The following DCUN1D5 variants were observed in gnomAD, a reference collection of about 807,000 sequenced individuals.
DCUN1D5 encodes the protein defective in cullin neddylation 1 domain containing 5.
Under a neutral mutation model 38.3 loss-of-function variants are expected in DCUN1D5, and 10 were observed. The observed-to-expected ratio is 0.26, with a 90% CI of 0.16 to 0.44. The LOEUF is 0.44. DCUN1D5 is among the 20% of genes least tolerant of loss of function. DCUN1D5 has a pLI of 1.00. For synonymous variants in DCUN1D5, 93 were observed against 90.9 expected, an observed-to-expected ratio of 1.02 and a Z score of -0.13; for missense variants, 148 against 275.3, an observed-to-expected ratio of 0.54 and a Z score of 3.27.
rs141927857 is a variant in DCUN1D5, at chr11:103,081,868, C to G, written c.341+880G>C. Among the ~76,000 whole-genome samples the G allele has an allele frequency of 1.4e-3, 211 of 152,042 alleles. 2 individuals are homozygous for G. Among genetic ancestry groups the G allele is most frequent in the African/African-American group, 5.0e-3 (206 of 41,508 alleles). ...TTCAAATTTAAAAATTTTAGTGCCT[C>G]ATAAACAAATACTTTAAAAAAAAAT... is the stretch of plus-strand genomic sequence containing the variant. On this transcript the variant is annotated intron_variant, in intron 4 of 7. Coordinates refer to ENST00000260247, the MANE Select transcript of DCUN1D5 (RefSeq NM_032299.4).
At position 103,073,383 on chromosome 11, in the gene DCUN1D5, T is replaced by C. The variant is rs2134616866; in HGVS notation, c.342-6816A>G. Among the ~76,000 whole-genome samples the C allele has an allele frequency of 6.6e-6, 1 of 152,320 alleles. No individual in the cohort carries two copies. The highest frequency in any genetic ancestry group is 2.4e-5 in the African/African-American group (1 of 41,574). On this transcript the variant is annotated intron_variant, in intron 4 of 7. Transcript: ENST00000260247. The surrounding 1 kb of genome is among the most constrained non-coding windows in gnomAD (Gnocchi z 4.2). ...AAAATGTCAATTCTCCCCAAATTTA[T>C]ATGCTATTTAACCAAAATCTCAGCA... is the stretch of plus-strand genomic sequence containing the variant.
chr11:103,070,900 A>T lies in DCUN1D5; in HGVS notation c.342-4333T>A, dbSNP rs924132068. 2.0e-4 allele frequency among the ~76,000 whole-genome samples: 31 copies of T among 152,196 alleles called. 1 individual carries two copies. Among genetic ancestry groups the T allele is most frequent in the Non-Finnish European group, 7.4e-5 (5 of 68,006 alleles). ...TGACAACAATGGAATCAAACTAGAAATCAATAACAGAAAGTTAATGGCAAA... is the reference window on the plus strand; with the variant it reads ...TGACAACAATGGAATCAAACTAGAATTCAATAACAGAAAGTTAATGGCAAA... On this transcript the variant is annotated intron_variant, in intron 4 of 7. Coordinates refer to ENST00000260247, the MANE Select transcript of DCUN1D5 (RefSeq NM_032299.4).
intron 2 of DCUN1D5, among the ~76,000 whole-genome samples, chr11:103,088,748 G>C (rs1862777162): frequency 6.6e-6 from 1 of 152,162 alleles, no homozygotes; most frequent in African/African-American, 2.4e-5. Flanking sequence ...TTGTTAAAAA[G>C]TAAATGTGTT....
chr11:103,085,866 G>A (rs1041530440), intron 2 of DCUN1D5, among the ~76,000 whole-genome samples: 1 of 152,104 alleles, frequency 6.6e-6, no homozygotes, highest in East Asian at 1.9e-4. Context: ...TACTATATTA[G>A]GACTATGCAA....
At chr11:103,090,259 GAATA>G (rs1402107372) in intron 1 of DCUN1D5, among the ~76,000 whole-genome samples, 1 of 152,104 alleles carries the variant, frequency 6.6e-6, no homozygotes, top group African/African-American at 2.4e-5. Flanking sequence ...GTACAAAAAT[GAATA>G]ATAATTTGCC....
Position 103,057,392 on chromosome 11 carries a change from T to C in DCUN1D5, c.*4967A>G, listed in dbSNP as rs1033507723. On this transcript the variant is annotated 3_prime_UTR_variant, in exon 8 of 8. Transcript: ENST00000260247. The surrounding 1 kb of genome is among the most constrained non-coding windows in gnomAD (Gnocchi z 4.8). ...ATATGTGAGGAGCTTTTATCTGTGATCTATTTTCTATGTGAAAAAGTTAAT... is the reference window on the plus strand; with the variant it reads ...ATATGTGAGGAGCTTTTATCTGTGACCTATTTTCTATGTGAAAAAGTTAAT... 2.0e-5 allele frequency among the ~76,000 whole-genome samples: 3 copies of C among 152,104 alleles called. No individual in the cohort carries two copies. The highest frequency in any genetic ancestry group is 4.8e-5 in the African/African-American group (2 of 41,436).
chr11:103,065,702 A>G lies in DCUN1D5; in HGVS notation c.555+567T>C, dbSNP rs1862118458. Among the ~76,000 whole-genome samples the G allele has an allele frequency of 6.6e-6, 1 of 152,110 alleles. No homozygotes were observed. The highest frequency in any genetic ancestry group is 2.4e-5 in the African/African-American group (1 of 41,442). On this transcript the variant is annotated intron_variant, in intron 6 of 7. Transcript: ENST00000260247. The surrounding 1 kb of genome is among the most constrained non-coding windows in gnomAD (Gnocchi z 4.6). The stretch of plus-strand genomic sequence containing the variant: ...ATCACTGCCTATAGTAGTTGCTATG[A>G]TAAACCTTCTAAAAGAACACGTCAT...
rs1413137840 is a variant in DCUN1D5 at position 103,056,932 on chromosome 11, T to C, written c.*5427A>G. Among the ~76,000 whole-genome samples the C allele has an allele frequency of 6.6e-6, 1 of 152,178 alleles. No individual in the cohort carries two copies. Among genetic ancestry groups the C allele is most frequent in the African/African-American group, 2.4e-5 (1 of 41,462 alleles). ...GCCTATTTGAACTTCGTAACAATAC[T>C]GGTAGGTATCATTATCGCCATTTTA... On this transcript the variant is annotated 3_prime_UTR_variant, in exon 8 of 8. Coordinates refer to ENST00000260247, the MANE Select transcript of DCUN1D5 (RefSeq NM_032299.4). This position sits in a 1 kb window ranked among gnomAD's most constrained non-coding sequence, Gnocchi z 4.9.
rs1861721258 is a variant in DCUN1D5 at position 103,051,207 on chromosome 11, C to T, written c.*11152G>A. On this transcript the variant is annotated 3_prime_UTR_variant, in exon 8 of 8. Transcript: ENST00000260247. ...TGTAACATTGGACTAGTCAACATACCATCTTATGACCAAATTTAAAACAAA... is the reference window on the plus strand; with the variant it reads ...TGTAACATTGGACTAGTCAACATACTATCTTATGACCAAATTTAAAACAAA... 6.6e-6 allele frequency: 1 copy of T among 152,154 alleles called. No individual in the cohort carries two copies. Among genetic ancestry groups the T allele is most frequent in the South Asian group, 2.1e-4 (1 of 4,824 alleles). 9.4% of individuals were successfully genotyped at this position (152,154 alleles called of 1,614,324 possible).
rs1861717894 is a variant in DCUN1D5 at position 103,051,089 on chromosome 11, C to G, written c.*11270G>C. Reference sequence around the variant, plus strand: ...TAAATCCAATCTTACATCATAAAGACTAAGCTTACCATCACCAATTCATAC... The same window carrying G: ...TAAATCCAATCTTACATCATAAAGAGTAAGCTTACCATCACCAATTCATAC... On this transcript the variant is annotated 3_prime_UTR_variant, in exon 8 of 8. Transcript: ENST00000260247. 6.6e-6 allele frequency: 1 copy of G among 152,210 alleles called. No individual in the cohort carries two copies. Among genetic ancestry groups the G allele is most frequent in the Admixed American group, 6.5e-5 (1 of 15,280 alleles). 9.4% of individuals were successfully genotyped at this position (152,210 alleles called of 1,614,324 possible). A position where few individuals can be genotyped will look rare whatever the true frequency, so the allele number is the denominator to read the frequency against.
intron 4 of DCUN1D5, among the ~76,000 whole-genome samples, chr11:103,067,220 G>C (rs1862156407): frequency 6.6e-6 from 1 of 152,108 alleles, no homozygotes; most frequent in Non-Finnish European, 1.5e-5. Flanking sequence ...TAAATATATG[G>C]AAGGCTCAAA....
intron 4 of DCUN1D5, among the ~76,000 whole-genome samples, chr11:103,074,836 G>A (rs550817607): frequency 6.6e-6 from 1 of 152,184 alleles, no homozygotes; most frequent in South Asian, 2.1e-4. Flanking sequence ...AATCTTAAAG[G>A]GTCTGATTCT....
chr11:103,056,970 A>G lies in DCUN1D5; in HGVS notation c.*5389T>C, dbSNP rs1861890745. Among the ~76,000 whole-genome samples the G allele has an allele frequency of 6.6e-6, 1 of 152,224 alleles. No homozygotes were observed. The highest frequency in any genetic ancestry group is 6.5e-5 in the Admixed American group (1 of 15,278). On this transcript the variant is annotated 3_prime_UTR_variant, in exon 8 of 8. Transcript: ENST00000260247. The surrounding 1 kb of genome is among the most constrained non-coding windows in gnomAD (Gnocchi z 4.9). ...TATCGCCATTTTACAGAAGAAACTG[A>G]AAATGACATAGGTTAAGTGGCTTGT...
At chr11:103,088,941 C>T (rs1220119259) in intron 2 of DCUN1D5, among the ~76,000 whole-genome samples, 2 of 150,420 alleles carry the variant, frequency 1.3e-5, no homozygotes, top group African/African-American at 5.0e-5. Flanking sequence ...TTCCAGAATA[C>T]TACTTTAGCC....
intron 4 of DCUN1D5, among the ~76,000 whole-genome samples, chr11:103,072,149 C>G (rs982035782): frequency 6.6e-6 from 1 of 151,806 alleles, no homozygotes; most frequent in African/African-American, 2.4e-5. Context: ...AGATGGGGAA[C>G]AAGGAAAAGA....
At chr11:103,082,600 A>G (rs1440665889) in intron 4 of DCUN1D5, 148 bp downstream of exon 4, 1 of 621,124 alleles carries the variant, frequency 1.6e-6, no homozygotes, top group Non-Finnish European at 2.8e-6. Flanking sequence ...AGACCACAAT[A>G]TAATTTTTTC....
intron 4 of DCUN1D5, among the ~76,000 whole-genome samples, chr11:103,074,887 T>A (rs1862371271): frequency 6.6e-6 from 1 of 152,248 alleles, no homozygotes; most frequent in Admixed American, 6.5e-5. Context: ...TGTTTAGTGA[T>A]TTCTGATTAT....
Position 103,052,514 on chromosome 11 carries a change from G to A in DCUN1D5, c.*9845C>T, listed in dbSNP as rs1323154954. ...TTTTTAAGGATCATAATCTTCAAAG[G>A]TAGAAACTAACAACTACACTGTTTT... On this transcript the variant is annotated 3_prime_UTR_variant, in exon 8 of 8. Coordinates refer to ENST00000260247, the MANE Select transcript of DCUN1D5 (RefSeq NM_032299.4). The A allele has an allele frequency of 6.6e-6, 1 of 152,076 alleles. No individual in the cohort carries two copies. Among genetic ancestry groups the A allele is most frequent in the Admixed American group, 6.6e-5 (1 of 15,254 alleles). The allele number at this position is 152,076 out of a possible 1,614,324, so 9.4% of individuals were successfully genotyped here. A position where few individuals can be genotyped will look rare whatever the true frequency, so the allele number is the denominator to read the frequency against.
Position 103,092,044 on chromosome 11 carries a change from C to G in DCUN1D5, c.-172G>C. 1.6e-6 allele frequency: 1 copy of G among 611,890 alleles called. No individual in the cohort carries two copies. The highest frequency in any genetic ancestry group is 2.0e-5 in the South Asian group (1 of 50,514). 37.9% of individuals were successfully genotyped at this position (611,890 alleles called of 1,614,324 possible). A position where few individuals can be genotyped will look rare whatever the true frequency, so the allele number is the denominator to read the frequency against. On this transcript the variant is annotated 5_prime_UTR_variant, in exon 1 of 8. Coordinates refer to ENST00000260247, the MANE Select transcript of DCUN1D5 (RefSeq NM_032299.4). ...CGGCCGCCGCCCGCTCCCAGGTATC[C>G]TCGTCGTCTTTCTCTGACCGGGACA...
Sources: gnomAD v4.1 joint callset for allele counts (sites outside exome capture counted in the v4.1 genomes callset) on GRCh38, gnomAD v4.1.1 for gene constraint, Gnocchi (gnomAD v3.1) non-coding constraint, MANE v1.5 for transcripts, NCBI Gene and HGNC (gene_info 2026-07-23, HGNC 2026-07-21) for gene names.